The following AFDN variants were observed in gnomAD, a reference collection of about 807,000 sequenced individuals.
AFDN encodes afadin.
AFDN carries 68 observed loss-of-function variants against 216.6 expected under a neutral mutation model. That is an observed-to-expected ratio of 0.31 (90% CI 0.26 to 0.38). AFDN has a LOEUF of 0.38. AFDN is among the 10% of genes least tolerant of loss of function. The probability of loss-of-function intolerance (pLI) is 1.00; values close to 1 mark genes in which losing one functional copy is unlikely to be tolerated. For synonymous variants in AFDN, 868 were observed against 853.7 expected (o/e 1.02, Z -0.29); for missense variants, 2,136 against 2,342.0 (o/e 0.91, Z 1.82).
At chr6:167,861,611 T>C (rs1171664034) in intron 1 of AFDN, among the ~76,000 whole-genome samples, 2 of 152,218 alleles carry the variant, frequency 1.3e-5, no homozygotes, top group Non-Finnish European at 2.9e-5. Context: ...GGAATTTTCA[T>C]GAAGGTGACT....
chr6:167,884,832 A>G (rs1158453407), intron 6 of AFDN, among the ~76,000 whole-genome samples: 1 of 152,210 alleles, frequency 6.6e-6, no homozygotes, highest in Admixed American at 6.5e-5. Flanking sequence ...TGTTCTTTGA[A>G]GCTTCGAAGC....
At chr6:167,880,984 G>T (rs1786034672) in intron 6 of AFDN, among the ~76,000 whole-genome samples, 1 of 152,200 alleles carries the variant, frequency 6.6e-6, no homozygotes, top group Non-Finnish European at 1.5e-5. Context: ...GGATCAGTTT[G>T]TCAGTGTCTA....
intron 26 of AFDN, among the ~76,000 whole-genome samples, chr6:167,945,461 TAAAATATATAAAC>T (rs1795155942): frequency 1.3e-5 from 2 of 152,310 alleles, no homozygotes; most frequent in South Asian, 4.1e-4. Flanking sequence ...TATAGTATAG[TAAAATATATAAAC>T]AAGCAACCCA....
intron 1 of AFDN, among the ~76,000 whole-genome samples, chr6:167,857,149 T>A (rs1180345684): frequency 6.6e-6 from 1 of 152,040 alleles, no homozygotes; most frequent in Non-Finnish European, 1.5e-5. Context: ...GCTGTGTAAT[T>A]CCATTCGTAG....
chr6:167,830,586 T>G (rs1779717264), intron 1 of AFDN, among the ~76,000 whole-genome samples: 2 of 152,240 alleles, frequency 1.3e-5, no homozygotes, highest in Non-Finnish European at 2.9e-5. Flanking sequence ...TGCTAGGTAA[T>G]TGACTATTTA....
At chr6:167,965,026 T>A in intron 31 of AFDN, 1 of 1,045,778 alleles carries the variant, frequency 9.6e-7, no homozygotes, top group Non-Finnish European at 1.2e-6. Context: ...ATCTTGTTGC[T>A]GTTGCTGTTA....
At position 167,836,883 on chromosome 6, in the gene AFDN, A is replaced by G. The variant is rs1780502579; in HGVS notation, c.105+9646A>G. Among the ~76,000 whole-genome samples the G allele has an allele frequency of 2.0e-5, 3 of 152,188 alleles. No individual in the cohort carries two copies. In the East Asian group the frequency reaches 5.8e-4, roughly 29 times the overall value. Reference sequence around the variant, plus strand: ...GTAATGATTCTTTTGTAAAGCAGCTAAGCTTTCGTTGATTCAGAACTCTGC... The same window carrying G: ...GTAATGATTCTTTTGTAAAGCAGCTGAGCTTTCGTTGATTCAGAACTCTGC... On this transcript the variant is annotated intron_variant, in intron 1 of 33. Transcript: ENST00000683244.
intron 11 of AFDN, among the ~76,000 whole-genome samples, chr6:167,900,124 A>G (rs1051069157): frequency 1.6e-4 from 24 of 152,166 alleles, no homozygotes; most frequent in Admixed American, 1.6e-3. Context: ...ATTGTTAGGT[A>G]TTTTTCTGGC....
rs1345338698 is a variant in AFDN at position 167,948,541 on chromosome 6, GAC to G, written c.3831+67_3831+68del. ...TCAAGGAGGACACACTGAGTTCTGA[GAC>G]ACAATTAATATTTTCTATAGAACAG... On this transcript the variant is annotated intron_variant, in intron 29 of 33. Coordinates refer to ENST00000683244, the MANE Select transcript of AFDN (RefSeq NM_001386888.1). 2.1e-6 allele frequency: 3 copies of G among 1,454,704 alleles called. No individual in the cohort carries two copies. In the African/African-American group the frequency reaches 4.2e-5, roughly 21 times the overall value. 90.1% of individuals were successfully genotyped at this position (1,454,704 alleles called of 1,614,324 possible).
intron 8 of AFDN, among the ~76,000 whole-genome samples, chr6:167,892,265 T>G (rs1459697366): frequency 1.3e-5 from 2 of 152,202 alleles, no homozygotes; most frequent in Non-Finnish European, 2.9e-5. Flanking sequence ...GGTGGAAAGT[T>G]TACTTGAAGC....
chr6:167,841,667 C>T (rs183945366), intron 1 of AFDN, among the ~76,000 whole-genome samples: 44 of 152,266 alleles, frequency 2.9e-4, no homozygotes, highest in Admixed American at 2.7e-3. Context: ...AAATGCCCCC[C>T]TTCCTAGCAT....
chr6:167,955,298 T>TTTCCTTC (rs1796383890), intron 30 of AFDN, among the ~76,000 whole-genome samples: 1 of 151,884 alleles, frequency 6.6e-6, no homozygotes, highest in Non-Finnish European at 1.5e-5. Flanking sequence ...CCCTTTTCCT[T>TTTCCTTC]CCCCCCTCAG....
intron 1 of AFDN, among the ~76,000 whole-genome samples, chr6:167,861,640 T>C (rs987793441): frequency 6.6e-6 from 1 of 152,226 alleles, no homozygotes; most frequent in African/African-American, 2.4e-5. Context: ...ATTCTCCTCT[T>C]TTCCCTGTTT....
intron 1 of AFDN, among the ~76,000 whole-genome samples, chr6:167,856,447 A>C (rs371191928): frequency 6.6e-6 from 1 of 152,144 alleles, no homozygotes; most frequent in Non-Finnish European, 1.5e-5. Context: ...GCTTTGAACT[A>C]GAAAAGTGAA....
intron 17 of AFDN, 109 bp downstream of exon 17, chr6:167,914,422 G>A: frequency 1.4e-6 from 2 of 1,399,464 alleles, no homozygotes; most frequent in East Asian, 2.4e-5. Context: ...TTGATTGAAG[G>A]TGAATATAAA....
At chr6:167,907,370 A>G in intron 13 of AFDN, 81 bp downstream of exon 13, 1 of 1,093,844 alleles carries the variant, frequency 9.1e-7, no homozygotes. Context: ...TGTTGAATTT[A>G]TAAAGGTTCA....
chr6:167,929,299 A>T (rs1458901310), intron 23 of AFDN, among the ~76,000 whole-genome samples: 1 of 152,186 alleles, frequency 6.6e-6, no homozygotes, highest in Non-Finnish European at 1.5e-5. Flanking sequence ...AGACCAGGAA[A>T]TAACAATGTT....
intron 30 of AFDN, among the ~76,000 whole-genome samples, chr6:167,961,756 G>A (rs1238401908): frequency 3.3e-5 from 5 of 152,158 alleles, no homozygotes; most frequent in African/African-American, 4.8e-5. Context: ...GAAGAGAGCC[G>A]AGATAGGGCT....
chr6:167,884,967 T>A (rs1786601659), intron 6 of AFDN, among the ~76,000 whole-genome samples: 1 of 152,216 alleles, frequency 6.6e-6, no homozygotes, highest in African/African-American at 2.4e-5. Flanking sequence ...CTTAGCTAGA[T>A]CTTCTGGAGA....
Sources: allele counts gnomAD v4.1 joint callset (sites outside exome capture counted in the v4.1 genomes callset), GRCh38; gene constraint gnomAD v4.1.1; transcripts MANE v1.5; gene names NCBI Gene and HGNC (gene_info 2026-07-23, HGNC 2026-07-21).